PDE3B: variants seen among roughly 807,000 people sequenced by gnomAD.
PDE3B encodes phosphodiesterase 3B.
In PDE3B, 66 loss-of-function variants were observed where a neutral mutation model predicts 116.8. The observed-to-expected ratio is 0.56, with a 90% CI of 0.46 to 0.69. The LOEUF (loss-of-function observed/expected upper bound fraction) is 0.69, where lower values mean the gene tolerates loss of function less well. Ranked by LOEUF, PDE3B falls within the 30% of genes least tolerant of loss-of-function variation. The pLI is 0.00. For missense variants in PDE3B, 1,384 were observed against 1,368.1 expected (o/e 1.01, Z -0.18); for synonymous variants, 595 against 533.6 (o/e 1.12, Z -1.59).
chr11:14,880,044 A>G, the PDE3B span: 2 of 1,341,640 alleles, frequency 1.5e-6, no homozygotes, highest in East Asian at 2.4e-5. Flanking sequence ...AGGAGTTCCT[A>G]AAGAAAATGT....
At chr11:14,883,783 C>T in the PDE3B span, among the ~76,000 whole-genome samples, 88 of 152,250 alleles carry the variant, frequency 5.8e-4, 1 homozygote, top group Non-Finnish European at 7.8e-4. Flanking sequence ...GCAACCTACT[C>T]ATCTGACAAA....
At chr11:14,869,177 A>C (rs1555008600) in intron 15 of PDE3B, among the ~76,000 whole-genome samples, 2 of 152,024 alleles carry the variant, frequency 1.3e-5, no homozygotes, top group African/African-American at 2.4e-5. Flanking sequence ...GTTTTCCCTA[A>C]ACCTCTTCTC....
chr11:14,801,503 G>A (rs1858763877), intron 4 of PDE3B, among the ~76,000 whole-genome samples: 1 of 152,222 alleles, frequency 6.6e-6, no homozygotes, highest in African/African-American at 2.4e-5. Flanking sequence ...CTTTCCTCTG[G>A]AAGCTTTGTC....
At chr11:14,822,393 T>C (rs1240559741) in intron 7 of PDE3B, among the ~76,000 whole-genome samples, 1 of 152,212 alleles carries the variant, frequency 6.6e-6, no homozygotes, top group Non-Finnish European at 1.5e-5. Context: ...CACCTTCAAC[T>C]GAAACATACA....
chr11:14,781,950 C>T (rs192082792), intron 2 of PDE3B, among the ~76,000 whole-genome samples: 143 of 152,296 alleles, frequency 9.4e-4, no homozygotes, highest in African/African-American at 3.2e-3. Context: ...AGCTGATAAG[C>T]AACTTCAGCA....
intron 1 of PDE3B, among the ~76,000 whole-genome samples, chr11:14,739,215 T>C (rs1305337050): frequency 2.6e-5 from 4 of 152,256 alleles, no homozygotes; most frequent in Non-Finnish European, 5.9e-5. Flanking sequence ...TTTCACAATA[T>C]TGATTCTTCC....
chr11:14,673,084 C>T (rs767502975), intron 1 of PDE3B, among the ~76,000 whole-genome samples: 4 of 151,808 alleles, frequency 2.6e-5, no homozygotes, highest in Non-Finnish European at 5.9e-5. Flanking sequence ...AGCCACCATT[C>T]TTCAACAATT....
At position 14,643,976 on chromosome 11, in the gene PDE3B, G is replaced by C. The variant is rs1478572364; in HGVS notation, c.-100G>C. The C allele has an allele frequency of 1.5e-6, 2 of 1,375,222 alleles. No homozygotes were observed. The highest frequency in any genetic ancestry group is 1.9e-6 in the Non-Finnish European group (2 of 1,071,952). The allele number at this position is 1,375,222 out of a possible 1,614,324, so 85.2% of individuals were successfully genotyped here. On this transcript the variant is annotated 5_prime_UTR_variant, in exon 1 of 16. Transcript: ENST00000282096. ...CGCAGCCCTGACGGGTTGCGAACCA[G>C]GGGGCGCCCCGAACGCGGGGGTTGG...
intron 2 of PDE3B, chr11:14,775,155 G>C (rs979760714): frequency 6.6e-6 from 1 of 151,684 alleles, no homozygotes; most frequent in East Asian, 1.9e-4. Flanking sequence ...TATTATATAC[G>C]ACCCTTTATT....
rs779547631 is a variant in PDE3B at position 14,644,092 on chromosome 11, G to C, written c.17G>C (p.Arg6Pro). 2 of 1,555,470 alleles carry C rather than the reference G, an allele frequency of 1.3e-6. No homozygotes were observed. Among genetic ancestry groups the C allele is most frequent in the Non-Finnish European group, 8.6e-7 (1 of 1,161,310 alleles). Residue 6 changes from arginine (R) to proline (P), a missense_variant, in exon 1 of 16, where the codon CGA (arginine) becomes CCA (proline). Physicochemically the swap from Arg to Pro is moderately radical, Grantham distance 103 (BLOSUM62 -2). Transcript: ENST00000282096. ...GCCCCAGCCATGAGGAGGGACGAGC[G>C]AGACGCCAAAGCCATGCGGTCCCTG... MRRDE[R>P]DAKAMRSLQP...
chr11:14,869,453 T>A lies in PDE3B; in HGVS notation c.3140-8T>A. 6.2e-7 allele frequency: 1 copy of A among 1,604,166 alleles called. No homozygotes were observed. Among genetic ancestry groups the A allele is most frequent in the Non-Finnish European group, 8.5e-7 (1 of 1,176,776 alleles). The stretch of plus-strand genomic sequence containing the variant: ...ATGATTAGAATATATTTATTTTAAA[T>A]TTCACAGAACCACCAAGAAGGAAAA... On this transcript the variant is annotated splice_region_variant and splice_polypyrimidine_tract_variant and intron_variant, in intron 15 of 15. Coordinates refer to ENST00000282096, the MANE Select transcript of PDE3B (RefSeq NM_000922.4).
intron 1 of PDE3B, among the ~76,000 whole-genome samples, chr11:14,702,911 C>T (rs1288716730): frequency 6.6e-6 from 1 of 151,840 alleles, no homozygotes; most frequent in African/African-American, 2.4e-5. Context: ...TTACTGACTC[C>T]CTGTCACTTA....
At chr11:14,897,238 C>T in the PDE3B span, among the ~76,000 whole-genome samples, 2 of 152,110 alleles carry the variant, frequency 1.3e-5, no homozygotes, top group African/African-American at 4.8e-5. Context: ...AAAAAAAATT[C>T]CTAGAACTTG....
At chr11:14,649,497 C>T (rs1853503756) in intron 1 of PDE3B, among the ~76,000 whole-genome samples, 1 of 152,144 alleles carries the variant, frequency 6.6e-6, no homozygotes, top group African/African-American at 2.4e-5. Flanking sequence ...TCCTAGTCCA[C>T]TTTTACTTTC....
rs141540169 is a variant in PDE3B at position 14,672,693 on chromosome 11, C to T, written c.978+27640C>T. On this transcript the variant is annotated intron_variant, in intron 1 of 15. Coordinates refer to ENST00000282096, the MANE Select transcript of PDE3B (RefSeq NM_000922.4). ...TCTTAGGGTCTTGTCTTAATCTGCA[C>T]GGTCAAGCTAGGACATTGTCACACT... Among the ~76,000 whole-genome samples, 19 of 152,140 alleles carry T rather than the reference C, an allele frequency of 1.2e-4. No individual in the cohort carries two copies. The South Asian group carries it at 2.1e-3, about 17-fold the overall frequency.
At chr11:14,812,563 C>G (rs1449174200) in intron 5 of PDE3B, among the ~76,000 whole-genome samples, 1 of 151,952 alleles carries the variant, frequency 6.6e-6, no homozygotes, top group Non-Finnish European at 1.5e-5. Context: ...AGTTTCACAG[C>G]AAAGTAAACC....
At chr11:14,778,724 C>G (rs556176510) in intron 2 of PDE3B, among the ~76,000 whole-genome samples, 1 of 152,308 alleles carries the variant, frequency 6.6e-6, no homozygotes, top group South Asian at 2.1e-4. Context: ...GAAACCAGAG[C>G]AGAAAAGCTG....
chr11:14,691,923 A>G (rs1855050363), intron 1 of PDE3B, among the ~76,000 whole-genome samples: 1 of 152,164 alleles, frequency 6.6e-6, no homozygotes, highest in African/African-American at 2.4e-5. Context: ...TTACAATTTA[A>G]TAGGAGCAAC....
In PDE3B at chr11:14,859,090, G is replaced by A. The variant is rs782709872; in HGVS notation, c.2568G>A (p.Ala856=). 5.6e-6 allele frequency: 9 copies of A among 1,613,390 alleles called. No individual in the cohort carries two copies. The highest frequency in any genetic ancestry group is 4.4e-5 in the South Asian group (4 of 91,006). ...CTGTTCTGGAAAATCATCATGCTGC[G>A]TCAGCTTGGAATCTATATCTTTCTC... is the stretch of plus-strand genomic sequence containing the variant. The part of the protein sequence containing the change: ...DRSVLENHHA[A]SAWNLYLSRP... Residue 856 remains alanine, a synonymous_variant, in exon 13 of 16, where the codon GCG becomes GCA. Coordinates refer to ENST00000282096, the MANE Select transcript of PDE3B (RefSeq NM_000922.4).
Sources: allele counts gnomAD v4.1 joint callset (sites outside exome capture counted in the v4.1 genomes callset), GRCh38; gene constraint gnomAD v4.1.1; transcripts MANE v1.5; gene names NCBI Gene and HGNC (gene_info 2026-07-23, HGNC 2026-07-21).